The following ANKFN1 variants were observed in gnomAD, a reference collection of about 807,000 sequenced individuals.
The protein encoded by ANKFN1 is ankyrin repeat and fibronectin type III domain containing 1.
A neutral mutation model predicts 108.7 loss-of-function variants in ANKFN1; 74 were observed. That is an observed-to-expected ratio of 0.68 (90% confidence interval 0.56 to 0.83). The LOEUF (loss-of-function observed/expected upper bound fraction) is 0.83, where lower values mean the gene tolerates loss of function less well. Among genes scored for constraint, ANKFN1 ranks in the 40% least tolerant of loss-of-function variants. The pLI, the probability that ANKFN1 is intolerant of heterozygous loss-of-function variation, is 0.00. For missense variants in ANKFN1, 1,505 were observed against 1,382.3 expected, an observed-to-expected ratio of 1.09 and a Z score of -1.41; for synonymous variants, 547 against 516.2, an observed-to-expected ratio of 1.06 and a Z score of -0.81.
chr17:56,404,732 C>G (rs909430691), intron 8 of ANKFN1, among the ~76,000 whole-genome samples: 1 of 152,022 alleles, frequency 6.6e-6, no homozygotes, highest in Non-Finnish European at 1.5e-5. Flanking sequence ...TATGGAAGAG[C>G]CTTGTTTTGT....
rs139704557 is a variant in ANKFN1, at chr17:56,199,241, C to T, written c.-70-13357C>T. ...AATCCAAATACAATTTTTCCCATTACGTTTTCTAGCTCGTTATTGCTGTTA... is the reference window on the plus strand; with the variant it reads ...AATCCAAATACAATTTTTCCCATTATGTTTTCTAGCTCGTTATTGCTGTTA... On this transcript the variant is annotated intron_variant, in intron 1 of 20. Coordinates refer to ENST00000682825, the MANE Select transcript of ANKFN1 (RefSeq NM_001370326.1). Among the ~76,000 whole-genome samples, 18 of 143,772 alleles carry T rather than the reference C, an allele frequency of 1.3e-4. No individual in the cohort carries two copies. The East Asian group carries it at 2.4e-3, about 19-fold the overall frequency. 94.3% of individuals were successfully genotyped at this position (143,772 alleles called of 152,430 possible).
intron 3 of ANKFN1, among the ~76,000 whole-genome samples, chr17:56,278,418 C>A (rs577885304): frequency 6.6e-6 from 1 of 152,280 alleles, no homozygotes; most frequent in East Asian, 1.9e-4. Context: ...TCTAATCTGG[C>A]AGATAAAAAT....
In ANKFN1 at chr17:56,265,604, A is replaced by C. The variant is rs576286089; in HGVS notation, c.53+37647A>C. On this transcript the variant is annotated intron_variant, in intron 3 of 20. Coordinates refer to ENST00000682825, the MANE Select transcript of ANKFN1 (RefSeq NM_001370326.1). ...AAGGACTTTCACAGCATGGAAGCCA[A>C]GTATAGGACTGTACAGCTGGCCTTC... Among the ~76,000 whole-genome samples, 66 of 152,336 alleles carry C rather than the reference A, an allele frequency of 4.3e-4. No individual in the cohort carries two copies. The South Asian group carries it at 0.013, about 31-fold the overall frequency.
intron 3 of ANKFN1, among the ~76,000 whole-genome samples, chr17:56,279,156 C>T (rs950758651): frequency 3.1e-4 from 47 of 152,154 alleles, no homozygotes; most frequent in African/African-American, 1.1e-3. Context: ...AGATTAAAAA[C>T]TCTTATGCTG....
chr17:56,466,653 G>A (rs933024089), intron 15 of ANKFN1, 82 bp downstream of exon 15: 48 of 1,231,232 alleles, frequency 3.9e-5, no homozygotes, highest in Admixed American at 2.0e-4. Flanking sequence ...TATTGCAAGA[G>A]CCATTTACAT....
At chr17:56,416,876 TA>T (rs1014281188) in intron 8 of ANKFN1, among the ~76,000 whole-genome samples, 76 of 152,218 alleles carry the variant, frequency 5.0e-4, no homozygotes, top group African/African-American at 1.7e-3. Context: ...TATGCAGCCA[TA>T]AAAAAGAATG....
chr17:56,102,078 C>A (rs1219004415), intron 4 of ANKFN1, among the ~76,000 whole-genome samples: 1 of 152,216 alleles, frequency 6.6e-6, no homozygotes, highest in South Asian at 2.1e-4. Context: ...AAACCCACCT[C>A]CAACGCTTGG....
At chr17:56,098,375 C>G (rs902541308) in intron 4 of ANKFN1, among the ~76,000 whole-genome samples, 2 of 151,988 alleles carry the variant, frequency 1.3e-5, no homozygotes, top group Admixed American at 6.6e-5. Flanking sequence ...TGTCTTTTGA[C>G]ACTTTCATAC....
At chr17:56,398,955 A>G (rs185253653) in intron 8 of ANKFN1, among the ~76,000 whole-genome samples, 41 of 152,304 alleles carry the variant, frequency 2.7e-4, no homozygotes, top group Admixed American at 7.9e-4. Flanking sequence ...TAATTAAGCA[A>G]TGCCATGCTG....
chr17:56,379,855 C>T (rs60207752), intron 8 of ANKFN1, among the ~76,000 whole-genome samples: 9,699 of 152,274 alleles, frequency 0.064, 1,027 homozygotes, highest in African/African-American at 0.22. Flanking sequence ...GATTCACACA[C>T]TGTCCCATTG....
At chr17:56,311,575 A>G (rs2045027643) in intron 3 of ANKFN1, among the ~76,000 whole-genome samples, 1 of 152,226 alleles carries the variant, frequency 6.6e-6, no homozygotes, top group African/African-American at 2.4e-5. Context: ...GCTTATTGGT[A>G]GCATATAAAT....
At chr17:56,058,731 A>T (rs1904923239) in intron 4 of ANKFN1, among the ~76,000 whole-genome samples, 2 of 152,178 alleles carry the variant, frequency 1.3e-5, no homozygotes, top group Non-Finnish European at 2.9e-5. Flanking sequence ...GATGCCTTCC[A>T]GCTTCATCCA....
chr17:56,208,639 G>T (rs1914724437), intron 1 of ANKFN1, among the ~76,000 whole-genome samples: 1 of 152,034 alleles, frequency 6.6e-6, no homozygotes, highest in Admixed American at 6.5e-5. Flanking sequence ...TGTCATCTTG[G>T]CACTAGTGAA....
At chr17:56,502,988 C>A (rs2051423047) in intron 20 of ANKFN1, among the ~76,000 whole-genome samples, 1 of 152,160 alleles carries the variant, frequency 6.6e-6, no homozygotes, top group South Asian at 2.1e-4. Flanking sequence ...TAAAATTAAG[C>A]ATCTCTCAAG....
intron 8 of ANKFN1, among the ~76,000 whole-genome samples, chr17:56,392,807 A>T (rs546319980): frequency 1.5e-4 from 23 of 152,338 alleles, no homozygotes; most frequent in African/African-American, 5.3e-4. Flanking sequence ...AATCAGGAAC[A>T]GCATCAGAAG....
intron 1 of ANKFN1, among the ~76,000 whole-genome samples, chr17:56,181,635 C>G (rs1911685515): frequency 5.3e-5 from 8 of 152,196 alleles, no homozygotes; most frequent in Admixed American, 5.2e-4. Context: ...CAGATCACTG[C>G]TTATTGCCTA....
At chr17:56,401,363 ATTGTATTGTG>A (rs1485911582) in intron 8 of ANKFN1, among the ~76,000 whole-genome samples, 122 of 95,362 alleles carry the variant, frequency 1.3e-3, no homozygotes, top group African/African-American at 3.5e-3. Flanking sequence ...ATTGTATTGT[ATTGTATTGTG>A]TTGTGTTGTG....
chr17:56,324,169 T>G (rs1410119845), intron 3 of ANKFN1, among the ~76,000 whole-genome samples: 1 of 151,972 alleles, frequency 6.6e-6, no homozygotes, highest in Admixed American at 6.6e-5. Flanking sequence ...AATAGAAAGG[T>G]GGTGAGAAAT....
At chr17:56,203,127 T>A (rs914800856) in intron 1 of ANKFN1, among the ~76,000 whole-genome samples, 3 of 152,196 alleles carry the variant, frequency 2.0e-5, no homozygotes, top group Non-Finnish European at 4.4e-5. Context: ...TGATGAATAC[T>A]CTCTCTCTTA....
Sources: gnomAD v4.1 joint callset for allele counts (sites outside exome capture counted in the v4.1 genomes callset) on GRCh38, gnomAD v4.1.1 for gene constraint, MANE v1.5 for transcripts, NCBI Gene and HGNC (gene_info 2026-07-23, HGNC 2026-07-21) for gene names.